Variants in ETV6 observed in about 807,000 individuals in gnomAD.
The protein encoded by ETV6 is transcription factor ETV6.
Under a neutral mutation model 51.1 loss-of-function variants are expected in ETV6, and 16 were observed. The ratio of observed to expected loss-of-function variants is 0.31; its 90% CI spans 0.21 to 0.48. The LOEUF is 0.48. Ranked by LOEUF, ETV6 falls within the 20% of genes least tolerant of loss-of-function variation. The pLI is 0.99. For missense variants in ETV6, 458 were observed against 594.8 expected (o/e 0.77, Z 2.39); for synonymous variants, 240 against 224.1 (o/e 1.07, Z -0.64).
chr12:11,877,727 A>G (rs895618711), intron 5 of ETV6, among the ~76,000 whole-genome samples: 3 of 152,206 alleles, frequency 2.0e-5, no homozygotes, highest in Non-Finnish European at 4.4e-5. Context: ...CTGCGAAGTC[A>G]GCATGATTGG....
chr12:11,882,229 G>C (rs1441638283), intron 5 of ETV6, among the ~76,000 whole-genome samples: 1 of 152,218 alleles, frequency 6.6e-6, no homozygotes, highest in Non-Finnish European at 1.5e-5. Flanking sequence ...TAAGCTTCTG[G>C]AAAATGCCAC....
intron 1 of ETV6, among the ~76,000 whole-genome samples, chr12:11,708,670 C>T (rs1195348156): frequency 6.6e-6 from 1 of 152,206 alleles, no homozygotes; most frequent in African/African-American, 2.4e-5. Flanking sequence ...TACCCTGCCT[C>T]GCTTCTGACC....
chr12:11,704,785 G>A (rs1865042948), intron 1 of ETV6, among the ~76,000 whole-genome samples: 1 of 152,164 alleles, frequency 6.6e-6, no homozygotes, highest in African/African-American at 2.4e-5. Context: ...TTGTGTGTGT[G>A]TGTGTGTGTG....
intron 2 of ETV6, among the ~76,000 whole-genome samples, chr12:11,768,646 C>T (rs1945197549): frequency 6.6e-6 from 1 of 152,208 alleles, no homozygotes; most frequent in Non-Finnish European, 1.5e-5. Context: ...TCTGCATACT[C>T]TCGAAATGGC....
intron 1 of ETV6, among the ~76,000 whole-genome samples, chr12:11,720,224 T>C (rs1027652654): frequency 9.2e-5 from 14 of 152,188 alleles, no homozygotes; most frequent in African/African-American, 3.1e-4. Flanking sequence ...CGAAGAGCCA[T>C]CAGCACAGTC....
At chr12:11,745,205 G>C (rs940892631) in intron 1 of ETV6, among the ~76,000 whole-genome samples, 2 of 152,154 alleles carry the variant, frequency 1.3e-5, no homozygotes, top group Non-Finnish European at 2.9e-5. Context: ...AACTTACCAG[G>C]GGAGATAAGA....
At chr12:11,775,687 C>G (rs1474753744) in intron 2 of ETV6, among the ~76,000 whole-genome samples, 1 of 152,178 alleles carries the variant, frequency 6.6e-6, no homozygotes, top group Non-Finnish European at 1.5e-5. Flanking sequence ...CAGGTCATTG[C>G]TCACACTGAG....
chr12:11,704,168 T>C (rs1314954757), intron 1 of ETV6, among the ~76,000 whole-genome samples: 2 of 152,238 alleles, frequency 1.3e-5, no homozygotes, highest in African/African-American at 4.8e-5. Context: ...AGTTCTTTAC[T>C]GTGTTTCTGC....
At chr12:11,653,966 C>T (rs574905553) in intron 1 of ETV6, among the ~76,000 whole-genome samples, 6 of 151,986 alleles carry the variant, frequency 3.9e-5, no homozygotes, top group Non-Finnish European at 7.4e-5. Flanking sequence ...GTGCCCGCCA[C>T]CATGCCCGGC....
intron 7 of ETV6, among the ~76,000 whole-genome samples, chr12:11,888,939 T>C (rs1947246998): frequency 6.6e-6 from 1 of 152,160 alleles, no homozygotes; most frequent in African/African-American, 2.4e-5. Context: ...ATGCTCAGCC[T>C]GTAGTTTTAT....
chr12:11,724,742 C>CT (rs1264457768), intron 1 of ETV6, among the ~76,000 whole-genome samples: 2 of 152,160 alleles, frequency 1.3e-5, no homozygotes, highest in Non-Finnish European at 2.9e-5. Flanking sequence ...GAAACAGTTC[C>CT]TTAAGATATT....
At chr12:11,829,737 A>G (rs1946214808) in intron 2 of ETV6, among the ~76,000 whole-genome samples, 1 of 152,236 alleles carries the variant, frequency 6.6e-6, no homozygotes, top group Admixed American at 6.5e-5. Flanking sequence ...GGATCTGAAC[A>G]TGAACATAGA....
chr12:11,787,750 T>C (rs1160105013), intron 2 of ETV6, among the ~76,000 whole-genome samples: 1 of 152,006 alleles, frequency 6.6e-6, no homozygotes. Flanking sequence ...TTACATGGAG[T>C]CTATGACATT....
chr12:11,852,340 G>T (rs187985043), intron 3 of ETV6, among the ~76,000 whole-genome samples: 2 of 152,244 alleles, frequency 1.3e-5, no homozygotes, highest in African/African-American at 4.8e-5. Context: ...ATTTTCTAGA[G>T]ATTGTGGAAC....
intron 1 of ETV6, among the ~76,000 whole-genome samples, chr12:11,749,647 G>A (rs1865984421): frequency 2.0e-5 from 3 of 152,180 alleles, no homozygotes; most frequent in Non-Finnish European, 4.4e-5. Flanking sequence ...GCAATAGAGT[G>A]AAAAATGAGC....
chr12:11,757,206 G>C lies in ETV6; in HGVS notation c.163+4627G>C, dbSNP rs1410694261. Among the ~76,000 whole-genome samples, 2 of 152,030 alleles carry C rather than the reference G, an allele frequency of 1.3e-5. 1 individual carries two copies. The highest frequency in any genetic ancestry group is 4.1e-4 in the South Asian group (2 of 4,830). ...AATTCTTACATTACTACTCCTGCTT[G>C]TGTGTGTTTAATAATTTAATTTAAT... is the stretch of plus-strand genomic sequence containing the variant. On this transcript the variant is annotated intron_variant, in intron 2 of 7. Transcript: ENST00000396373.
At chr12:11,689,617 T>A (rs1055858219) in intron 1 of ETV6, among the ~76,000 whole-genome samples, 1 of 151,656 alleles carries the variant, frequency 6.6e-6, no homozygotes, top group Non-Finnish European at 1.5e-5. Flanking sequence ...TAGCTTTTTT[T>A]AAAAGAAAAA....
rs55959869 is a variant in ETV6 at position 11,827,070 on chromosome 12, TCACACACACA to T, written c.164-12037_164-12028del. 3.0e-3 allele frequency among the ~76,000 whole-genome samples: 437 copies of T among 145,160 alleles called. 1 individual carries two copies. The highest frequency in any genetic ancestry group is 8.5e-3 in the African/African-American group (334 of 39,462). ...AGAATAGAATAGAGAGAAGTCTGTC[TCACACACACA>T]CACACACACACACACACACACACAC... On this transcript the variant is annotated intron_variant, in intron 2 of 7. Transcript: ENST00000396373.
At chr12:11,750,940 G>C in intron 1 of ETV6, 1 of 458,530 alleles carries the variant, frequency 2.2e-6, no homozygotes, top group Non-Finnish European at 4.2e-6. Context: ...TTGCCTCTGG[G>C]TGACTTTTTA....
Sources: gnomAD v4.1 joint callset for allele counts (sites outside exome capture counted in the v4.1 genomes callset) on GRCh38, gnomAD v4.1.1 for gene constraint, MANE v1.5 for transcripts, NCBI Gene and HGNC (gene_info 2026-07-23, HGNC 2026-07-21) for gene names.